MOXD1: variants seen among roughly 807,000 people sequenced by gnomAD.
The protein encoded by MOXD1 is monooxygenase DBH like 1, also known as DBH-like monooxygenase protein 1.
Under a neutral mutation model 66.6 loss-of-function variants are expected in MOXD1, and 62 were observed. The observed-to-expected ratio is 0.93, with a 90% CI of 0.76 to 1.15. MOXD1 has a LOEUF of 1.15. MOXD1 is among the 50% of genes most tolerant of loss of function. MOXD1 has a pLI of 0.00. For synonymous variants in MOXD1, 303 were observed against 281.9 expected (o/e 1.07, Z -0.75); for missense variants, 847 against 754.6 (o/e 1.12, Z -1.44).
chr6:132,326,588 G>A (rs1473122109), intron 6 of MOXD1, among the ~76,000 whole-genome samples: 1 of 152,032 alleles, frequency 6.6e-6, no homozygotes, highest in East Asian at 1.9e-4. Context: ...CATTGTTATT[G>A]TGATGACAAT....
intron 10 of MOXD1, 112 bp from the exon 11 acceptor site, chr6:132,298,067 A>G: frequency 1.2e-6 from 1 of 856,414 alleles, no homozygotes; most frequent in Non-Finnish European, 1.7e-6. Context: ...ATACACATAG[A>G]TAACCTAATG....
chr6:132,372,645 T>G lies in MOXD1; in HGVS notation c.626A>C (p.Lys209Thr). The G allele has an allele frequency of 6.2e-7, 1 of 1,613,980 alleles. No individual in the cohort carries two copies. The highest frequency in any genetic ancestry group is 8.5e-7 in the Non-Finnish European group (1 of 1,179,868). Residue 209 changes from lysine to threonine, a missense_variant, in exon 4 of 12, where the codon AAG becomes ACG. Physicochemically the swap from Lys to Thr is moderately conservative, Grantham distance 78. Transcript: ENST00000367963. ...KDTTYWCQMF[K>T]IPVFQEKHHV... ...ATGCTTTTCTTGGAACACAGGAATC[T>G]TAAACATTTGGCACCAATATGTTGT...
At chr6:132,392,879 A>T (rs112676631) in intron 1 of MOXD1, among the ~76,000 whole-genome samples, 1 of 152,208 alleles carries the variant, frequency 6.6e-6, no homozygotes, top group African/African-American at 2.4e-5. Context: ...TGGGCAGCGC[A>T]AATTTCCATA....
intron 1 of MOXD1, among the ~76,000 whole-genome samples, chr6:132,398,085 T>C (rs541811440): frequency 1.3e-5 from 2 of 152,324 alleles, no homozygotes; most frequent in African/African-American, 4.8e-5. Context: ...TGTCTATCAT[T>C]CCACACTCCA....
intron 1 of MOXD1, 32 bp from the exon 2 acceptor site, chr6:132,374,809 T>C: frequency 6.3e-7 from 1 of 1,581,822 alleles, no homozygotes; most frequent in Non-Finnish European, 8.7e-7. Flanking sequence ...AAAATCAGGA[T>C]ACCTAAATAC....
In MOXD1 at chr6:132,296,467, A is replaced by G. The variant is rs1322280724; in HGVS notation, c.*686T>C. On this transcript the variant is annotated 3_prime_UTR_variant, in exon 12 of 12. Transcript: ENST00000367963. The stretch of plus-strand genomic sequence containing the variant: ...TTTCCCATAGCCTCTTTCTTTTCAG[A>G]TAGTGACAGAGCTCTAGAAAAAACT... The G allele has an allele frequency of 6.6e-6, 1 of 152,168 alleles. No individual in the cohort carries two copies. 9.4% of individuals were successfully genotyped at this position (152,168 alleles called of 1,614,324 possible). A position where few individuals can be genotyped will look rare whatever the true frequency, so the allele number is the denominator to read the frequency against.
chr6:132,310,914 C>T (rs1167763327), intron 10 of MOXD1, among the ~76,000 whole-genome samples: 1 of 152,080 alleles, frequency 6.6e-6, no homozygotes, highest in Non-Finnish European at 1.5e-5. Context: ...CCATGGCACT[C>T]GTATACCTAT....
intron 10 of MOXD1, among the ~76,000 whole-genome samples, chr6:132,311,111 G>C (rs942284624): frequency 3.3e-5 from 5 of 152,132 alleles, no homozygotes; most frequent in African/African-American, 1.2e-4. Context: ...CGTCCAGAGA[G>C]ATCTCCCAAG....
chr6:132,331,986 T>C (rs889550629), intron 4 of MOXD1, among the ~76,000 whole-genome samples: 1 of 152,134 alleles, frequency 6.6e-6, no homozygotes, highest in Non-Finnish European at 1.5e-5. Context: ...GACCACCACA[T>C]GCAGATGCCC....
chr6:132,321,197 G>A (rs1012580664), intron 8 of MOXD1, among the ~76,000 whole-genome samples: 1 of 151,860 alleles, frequency 6.6e-6, no homozygotes, highest in Non-Finnish European at 1.5e-5. Flanking sequence ...CCAGGAGGTG[G>A]AGGTTGCAGT....
intron 4 of MOXD1, among the ~76,000 whole-genome samples, chr6:132,345,471 TA>T (rs1488848117): frequency 6.6e-6 from 1 of 152,282 alleles, no homozygotes; most frequent in East Asian, 1.9e-4. Flanking sequence ...AGGGTATATA[TA>T]AAGCATTTAT....
chr6:132,302,444 G>C (rs908917647), intron 10 of MOXD1, among the ~76,000 whole-genome samples: 6 of 151,248 alleles, frequency 4.0e-5, no homozygotes, highest in Non-Finnish European at 5.9e-5. Context: ...AAATGACAGA[G>C]ATTAAAGAAT....
chr6:132,312,769 G>A (rs1349989824), intron 10 of MOXD1, among the ~76,000 whole-genome samples: 2 of 150,618 alleles, frequency 1.3e-5, no homozygotes, highest in South Asian at 2.1e-4. Context: ...GGAAACAGGA[G>A]AGCCGAACAT....
intron 1 of MOXD1, among the ~76,000 whole-genome samples, chr6:132,383,841 G>A (rs1203790381): frequency 1.3e-5 from 2 of 152,092 alleles, no homozygotes; most frequent in African/African-American, 2.4e-5. Context: ...AGGCCAAGGC[G>A]GGCAGATCAC....
intron 10 of MOXD1, among the ~76,000 whole-genome samples, chr6:132,302,130 T>C (rs2114526312): frequency 6.6e-6 from 1 of 152,228 alleles, no homozygotes; most frequent in East Asian, 1.9e-4. Flanking sequence ...TCCACAAGAC[T>C]GGGCAATGAA....
In MOXD1 at chr6:132,296,605, C is replaced by T. The variant is rs1774404399; in HGVS notation, c.*548G>A. 1 of 152,146 alleles carries T rather than the reference C, an allele frequency of 6.6e-6. No homozygotes were observed. The highest frequency in any genetic ancestry group is 2.4e-5 in the African/African-American group (1 of 41,396). 9.4% of individuals were successfully genotyped at this position (152,146 alleles called of 1,614,324 possible). On this transcript the variant is annotated 3_prime_UTR_variant, in exon 12 of 12. Transcript: ENST00000367963. The stretch of plus-strand genomic sequence containing the variant: ...ACAAGGGAACCAGAGTGGGCATCAA[C>T]AAAAAGCATTGAGGTAAGGGGCCCA...
intron 10 of MOXD1, among the ~76,000 whole-genome samples, chr6:132,312,956 G>A (rs914392875): frequency 9.2e-5 from 14 of 151,974 alleles, no homozygotes; most frequent in South Asian, 2.1e-4. Context: ...ATGAGAAAAA[G>A]ACTACTCAAG....
At chr6:132,300,123 A>T (rs931842490) in intron 10 of MOXD1, among the ~76,000 whole-genome samples, 1 of 152,112 alleles carries the variant, frequency 6.6e-6, no homozygotes, top group African/African-American at 2.4e-5. Flanking sequence ...GAATCAATAT[A>T]TATCTTTGTT....
intron 1 of MOXD1, among the ~76,000 whole-genome samples, chr6:132,394,415 T>C (rs1776830402): frequency 6.6e-6 from 1 of 152,070 alleles, no homozygotes; most frequent in Non-Finnish European, 1.5e-5. Flanking sequence ...AATAAGGAAA[T>C]ATGGTATCTC....
Sources: allele counts gnomAD v4.1 joint callset (sites outside exome capture counted in the v4.1 genomes callset), GRCh38; gene constraint gnomAD v4.1.1; transcripts MANE v1.5; gene names NCBI Gene and HGNC (gene_info 2026-07-23, HGNC 2026-07-21).